CSGALNACT1: variants seen among roughly 807,000 people sequenced by gnomAD.
The protein encoded by CSGALNACT1 is chondroitin sulfate N-acetylgalactosaminyltransferase 1.
A neutral mutation model predicts 51.0 loss-of-function variants in CSGALNACT1; 52 were observed. The observed-to-expected ratio is 1.02, with a 90% CI of 0.82 to 1.29. The LOEUF is 1.29. Ranked by LOEUF, CSGALNACT1 falls within the 50% of genes most tolerant of loss-of-function variation. The pLI, the probability that CSGALNACT1 is intolerant of heterozygous loss-of-function variation, is 0.00. For missense variants in CSGALNACT1, 935 were observed against 679.2 expected, an observed-to-expected ratio of 1.38 and a Z score of -4.19; for synonymous variants, 341 against 254.4, an observed-to-expected ratio of 1.34 and a Z score of -3.24.
intron 3 of CSGALNACT1, among the ~76,000 whole-genome samples, chr8:19,539,990 G>C (rs1001393057): frequency 5.3e-5 from 8 of 152,122 alleles, no homozygotes; most frequent in Non-Finnish European, 1.0e-4. Context: ...AATACTGAGA[G>C]AACTAGTCAA....
chr8:19,568,839 C>A (rs2042422946), intron 3 of CSGALNACT1, among the ~76,000 whole-genome samples: 2 of 152,138 alleles, frequency 1.3e-5, no homozygotes. Flanking sequence ...GTAGAATAGA[C>A]AGCTTTTTAT....
At chr8:19,564,112 C>T (rs1040146526) in intron 3 of CSGALNACT1, among the ~76,000 whole-genome samples, 2 of 152,164 alleles carry the variant, frequency 1.3e-5, no homozygotes, top group South Asian at 2.1e-4. Context: ...TCAGTTAAAA[C>T]GCTTCTTTCA....
rs58262538 is a variant in CSGALNACT1, at chr8:19,610,289, C to CAAAAAAAAAA, written c.-543-8434_-543-8425dup. Among the ~76,000 whole-genome samples the CAAAAAAAAAA allele has an allele frequency of 2.3e-3, 108 of 47,648 alleles. 7 individuals carry two copies. Among genetic ancestry groups the CAAAAAAAAAA allele is most frequent in the African/African-American group, 8.5e-3 (103 of 12,076 alleles). The allele number at this position is 47,648 out of a possible 152,430, so 31.3% of individuals were successfully genotyped here. On this transcript the variant is annotated intron_variant, in intron 1 of 9. Transcript: ENST00000332246. ...TGGGCGACAGAGTACGACTCCGTCT[C>CAAAAAAAAAA]AAAAAAAAAAAAAAAAAAAAAAGAT...
chr8:19,562,600 C>T (rs769880420), intron 3 of CSGALNACT1, among the ~76,000 whole-genome samples: 4 of 151,234 alleles, frequency 2.6e-5, no homozygotes, highest in Non-Finnish European at 4.4e-5. Context: ...AAATTTACAA[C>T]AAAAAAATAA....
intron 1 of CSGALNACT1, among the ~76,000 whole-genome samples, chr8:19,702,913 G>A (rs1002029697): frequency 2.0e-5 from 3 of 151,884 alleles, no homozygotes; most frequent in Non-Finnish European, 4.4e-5. Flanking sequence ...TTAGACCAGG[G>A]CCAATGACTA....
At chr8:19,605,580 TC>T (rs778509853), upstream of CSGALNACT1, among the ~76,000 whole-genome samples, 56 of 152,250 alleles carry the variant, frequency 3.7e-4, no homozygotes, top group Middle Eastern at 0.01. Context: ...ATGGAAGAGC[TC>T]ATGTGTCATC....
chr8:19,539,145 T>G (rs1200580862), intron 3 of CSGALNACT1, among the ~76,000 whole-genome samples: 1 of 152,200 alleles, frequency 6.6e-6, no homozygotes, highest in Non-Finnish European at 1.5e-5. Flanking sequence ...ATTACTATAG[T>G]CAAGCAAATT....
chr8:19,639,052 C>T (rs1285114753), intron 1 of CSGALNACT1, among the ~76,000 whole-genome samples: 1 of 152,160 alleles, frequency 6.6e-6, no homozygotes, highest in Non-Finnish European at 1.5e-5. Context: ...AACGACTCCT[C>T]CCCTGCCTCT....
Position 19,405,620 on chromosome 8 carries a change from TG to T in CSGALNACT1, c.*159del, listed in dbSNP as rs760854585. The T allele has an allele frequency of 1.8e-5, 18 of 978,746 alleles. No individual in the cohort carries two copies. In the South Asian group the frequency reaches 2.5e-4, roughly 13 times the overall value. The allele number at this position is 978,746 out of a possible 1,614,324, so 60.6% of individuals were successfully genotyped here. ...GCAAAGCGGAGATTTTGATTTCTGT[TG>T]TAAAAAGCCCAACAGAGAGAAATCG... On this transcript the variant is annotated 3_prime_UTR_variant, in exon 10 of 10. Coordinates refer to ENST00000454498, the Ensembl canonical transcript of CSGALNACT1.
intron 3 of CSGALNACT1, among the ~76,000 whole-genome samples, chr8:19,547,101 T>C (rs1312718633): frequency 1.3e-5 from 2 of 152,028 alleles, no homozygotes; most frequent in Admixed American, 6.6e-5. Flanking sequence ...TAAAGTGATA[T>C]CCTCAGTCTT....
chr8:19,473,681 G>C (rs2068737192), intron 4 of CSGALNACT1, among the ~76,000 whole-genome samples: 2 of 152,204 alleles, frequency 1.3e-5, no homozygotes, highest in Non-Finnish European at 2.9e-5. Context: ...GTCAAAAGTA[G>C]TGTCTCTTAG....
At chr8:19,477,010 A>G (rs2069861910) in intron 4 of CSGALNACT1, among the ~76,000 whole-genome samples, 1 of 152,200 alleles carries the variant, frequency 6.6e-6, no homozygotes, top group Non-Finnish European at 1.5e-5. Context: ...GCATATGAAA[A>G]TGGTAATAAT....
chr8:19,669,872 A>T (rs895374539), intron 1 of CSGALNACT1, among the ~76,000 whole-genome samples: 1 of 152,166 alleles, frequency 6.6e-6, no homozygotes, highest in Non-Finnish European at 1.5e-5. Flanking sequence ...TCCAGATACT[A>T]TTCAAACTTA....
At chr8:19,538,143 G>A (rs1460169131) in intron 3 of CSGALNACT1, among the ~76,000 whole-genome samples, 1 of 151,932 alleles carries the variant, frequency 6.6e-6, no homozygotes, top group Admixed American at 6.6e-5. Context: ...AAAGCAAGAT[G>A]ATACTGCTAC....
At chr8:19,431,375 G>C (rs1011505400) in intron 6 of CSGALNACT1, among the ~76,000 whole-genome samples, 1 of 152,012 alleles carries the variant, frequency 6.6e-6, no homozygotes, top group African/African-American at 2.4e-5. Context: ...TATCATAAAA[G>C]GATGTTGGAT....
chr8:19,553,394 G>A (rs974653909), intron 3 of CSGALNACT1, among the ~76,000 whole-genome samples: 2 of 151,874 alleles, frequency 1.3e-5, no homozygotes, highest in African/African-American at 4.8e-5. Flanking sequence ...TTCACTAAAT[G>A]CCTGTGAGTG....
chr8:19,630,645 C>T (rs533068541), intron 1 of CSGALNACT1, among the ~76,000 whole-genome samples: 3 of 152,294 alleles, frequency 2.0e-5, no homozygotes, highest in African/African-American at 4.8e-5. Flanking sequence ...ATCCCTCCCC[C>T]ACAAAACCAC....
chr8:19,410,722 G>A (rs11785649), intron 8 of CSGALNACT1, among the ~76,000 whole-genome samples: 62,223 of 152,056 alleles, frequency 0.41, 14,083 homozygotes, highest in East Asian at 0.83. Flanking sequence ...TGGGGAGTGA[G>A]TTGTGTAAAC....
chr8:19,530,408 A>G (rs943106318), intron 3 of CSGALNACT1, among the ~76,000 whole-genome samples: 9 of 152,136 alleles, frequency 5.9e-5, no homozygotes, highest in African/African-American at 2.2e-4. Flanking sequence ...ATTTTATAAT[A>G]TCTATAACTC....
Sources: gnomAD v4.1 joint callset for allele counts (sites outside exome capture counted in the v4.1 genomes callset) on GRCh38, gnomAD v4.1.1 for gene constraint, MANE v1.5 for transcripts, NCBI Gene and HGNC (gene_info 2026-07-23, HGNC 2026-07-21) for gene names.